The following CMTM1 variants were observed in gnomAD, a reference collection of about 807,000 sequenced individuals.
CMTM1 encodes the protein CKLF like MARVEL transmembrane domain containing 1.
A neutral mutation model predicts 17.8 loss-of-function variants in CMTM1; 16 were observed. The ratio of observed to expected loss-of-function variants is 0.90; its 90% CI spans 0.61 to 1.37. CMTM1 has a LOEUF of 1.37. Ranked by LOEUF, CMTM1 falls within the 40% of genes most tolerant of loss-of-function variation. The pLI is 0.00. For missense variants in CMTM1, 354 were observed against 375.6 expected (o/e 0.94, Z 0.47); for synonymous variants, 169 against 154.6 (o/e 1.09, Z -0.69).
At chr16:66,567,805 A>C (rs576515130) in intron 1 of CMTM1, among the ~76,000 whole-genome samples, 4 of 152,352 alleles carry the variant, frequency 2.6e-5, no homozygotes, top group African/African-American at 9.6e-5. Flanking sequence ...AACTGAAAGG[A>C]TCTACAGGAG....
chr16:66,567,114 C>G (rs1159143768), intron 1 of CMTM1, 169 bp downstream of exon 1: 2 of 716,838 alleles, frequency 2.8e-6, no homozygotes, highest in Admixed American at 4.4e-5. Flanking sequence ...ACACACTAAA[C>G]CTTTCCTACT....
At chr16:66,570,190 T>C (rs2013289374) in intron 2 of CMTM1, 96 bp downstream of exon 2, 2 of 988,312 alleles carry the variant, frequency 2.0e-6, no homozygotes, top group African/African-American at 3.3e-5. Context: ...GCTATCTCTC[T>C]AGACAAGGAC....
intron 2 of CMTM1, among the ~76,000 whole-genome samples, chr16:66,575,535 G>A (rs2014121613): frequency 6.6e-6 from 1 of 152,150 alleles, no homozygotes; most frequent in Admixed American, 6.5e-5. Flanking sequence ...TTCCAGACTG[G>A]GAGAATAGCT....
rs1276226788 is a variant in CMTM1, at chr16:66,579,070, C to T, written c.*69C>T. Reference sequence around the variant, plus strand: ...CTGCCTCCGAGCCCACCCCCGAGCTCGCATGCTGTCACCCATTCCAGCCTA... The same window carrying T: ...CTGCCTCCGAGCCCACCCCCGAGCTTGCATGCTGTCACCCATTCCAGCCTA... On this transcript the variant is annotated 3_prime_UTR_variant, in exon 4 of 4. Transcript: ENST00000379500. The surrounding 1 kb of genome is among the most constrained non-coding windows in gnomAD (Gnocchi z 6.5). The T allele has an allele frequency of 1.3e-6, 2 of 1,564,882 alleles. No individual in the cohort carries two copies. Among genetic ancestry groups the T allele is most frequent in the Non-Finnish European group, 1.7e-6 (2 of 1,155,886 alleles).
chr16:66,576,479 C>T (rs979197124), intron 2 of CMTM1, among the ~76,000 whole-genome samples: 2 of 151,892 alleles, frequency 1.3e-5, no homozygotes, highest in African/African-American at 4.8e-5. Flanking sequence ...TGTCGGGGCA[C>T]ACCCAATTCT....
intron 1 of CMTM1, among the ~76,000 whole-genome samples, chr16:66,569,007 T>C (rs1426627843): frequency 6.6e-6 from 1 of 152,200 alleles, no homozygotes; most frequent in Non-Finnish European, 1.5e-5. Flanking sequence ...TGACTCGTTA[T>C]TGTGTTAATA....
chr16:66,567,630 A>G (rs965687931), intron 1 of CMTM1, among the ~76,000 whole-genome samples: 3 of 152,236 alleles, frequency 2.0e-5, no homozygotes, highest in Non-Finnish European at 2.9e-5. Flanking sequence ...ATAGGAATTT[A>G]TAAGTTAGGA....
At position 66,566,770 on chromosome 16, in the gene CMTM1, C is replaced by G. The variant is rs199641934; in HGVS notation, c.257C>G (p.Pro86Arg). ...TCAAGGAAAGCCACCACACGCCCAC[C>G]CCCAAAGCCCACACTCCCACCCCCC... ...APSRKATTRP[P>R]PKPTLPPPTP... Residue 86 changes from proline (P) to arginine (R), a missense_variant, in exon 1 of 4, where the codon CCC becomes CGC. By Grantham distance (103) the Pro-to-Arg change is moderately radical. Coordinates refer to ENST00000379500, the MANE Select transcript of CMTM1 (RefSeq NM_052999.4). The surrounding 1 kb of genome is among the most constrained non-coding windows in gnomAD (Gnocchi z 4.9). 7 of 1,613,412 alleles carry G rather than the reference C, an allele frequency of 4.3e-6. No homozygotes were observed. The Admixed American group carries it at 1.2e-4, about 27-fold the overall frequency.
rs755915699 is a variant in CMTM1, at chr16:66,566,801, C to T, written c.288C>T (p.Pro96=). 20 of 1,613,478 alleles carry T rather than the reference C, an allele frequency of 1.2e-5. No individual in the cohort carries two copies. Among genetic ancestry groups the T allele is most frequent in the Admixed American group, 3.4e-5 (2 of 59,654 alleles). Residue 96 remains proline, a synonymous_variant, in exon 1 of 4, where the codon CCC becomes CCT. Coordinates refer to ENST00000379500, the MANE Select transcript of CMTM1 (RefSeq NM_052999.4). The surrounding 1 kb of genome is among the most constrained non-coding windows in gnomAD (Gnocchi z 4.9). The part of the protein sequence containing the change: ...PPKPTLPPPT[P]SAHTESKLLN... The stretch of plus-strand genomic sequence containing the variant: ...AGCCCACACTCCCACCCCCCACGCC[C>T]TCTGCACACACTGAATCCAAACTCT...
At chr16:66,576,389 ACT>A (rs746352605) in intron 2 of CMTM1, among the ~76,000 whole-genome samples, 2 of 151,184 alleles carry the variant, frequency 1.3e-5, no homozygotes, top group Admixed American at 6.6e-5. Flanking sequence ...CAAGAGCGAA[ACT>A]CTGTCTCAAA....
intron 2 of CMTM1, among the ~76,000 whole-genome samples, chr16:66,572,855 G>A (rs1229170303): frequency 6.6e-6 from 1 of 152,222 alleles, no homozygotes; most frequent in African/African-American, 2.4e-5. Context: ...TGAAAAAGGG[G>A]TGAGGGTAAA....
intron 1 of CMTM1, 78 bp downstream of exon 1, chr16:66,567,023 G>C (rs1402170076): frequency 1.4e-6 from 2 of 1,471,884 alleles, no homozygotes. Flanking sequence ...CGGGGTGCCA[G>C]CTCCAGAAAC....
Position 66,577,110 on chromosome 16 carries a change from AC to A in CMTM1, c.600del (p.Asn201ThrfsTer11). 1 of 1,612,288 alleles carries A rather than the reference AC, an allele frequency of 6.2e-7. No individual in the cohort carries two copies. The highest frequency in any genetic ancestry group is 8.5e-7 in the Non-Finnish European group (1 of 1,179,286). ...TYLHWPLLDL[T>X]NSIITAVFLS... ...TTTCAATTCTTTATTACAGGATCTT[AC>A]CAACAGTATCATTACAGCTGTGTTC... is the stretch of plus-strand genomic sequence containing the variant. On this transcript the variant is annotated frameshift_variant, in exon 3 of 4. Transcript: ENST00000379500. LOFTEE classifies it high-confidence loss of function.
chr16:66,574,529 G>C (rs1351160184), intron 2 of CMTM1, among the ~76,000 whole-genome samples: 1 of 152,226 alleles, frequency 6.6e-6, no homozygotes, highest in Non-Finnish European at 1.5e-5. Context: ...GGCACAGTAA[G>C]TGCTCAATAA....
intron 1 of CMTM1, 109 bp downstream of exon 1, chr16:66,567,054 ACTCACCTTTGTTTTGC>A: frequency 1.7e-6 from 2 of 1,195,896 alleles, no homozygotes; most frequent in Non-Finnish European, 2.4e-6. Context: ...TCACTTTGCC[ACTCACCTTTGTTTTGC>A]CTCACCTTTC....
At chr16:66,577,228 T>C (rs1186779517) in intron 3 of CMTM1, 26 bp downstream of exon 3, 2 of 1,577,630 alleles carry the variant, frequency 1.3e-6, no homozygotes, top group East Asian at 2.2e-5. Context: ...CATGACTCCA[T>C]TTAAGATCAG....
At position 66,570,577 on chromosome 16, in the gene CMTM1, CG is replaced by C. The variant is rs529395734; in HGVS notation, c.591+485del. Among the ~76,000 whole-genome samples, 63 of 152,230 alleles carry C rather than the reference CG, an allele frequency of 4.1e-4. No homozygotes were observed. In the East Asian group the frequency reaches 0.012, roughly 28 times the overall value. Reference sequence around the variant, plus strand: ...TAGGGTCCATATCACAAAGAGGTGCCGGACTATCCAGAAAAAGACATTACAG... The same window carrying C: ...TAGGGTCCATATCACAAAGAGGTGCCGACTATCCAGAAAAAGACATTACAG... On this transcript the variant is annotated intron_variant, in intron 2 of 3. Transcript: ENST00000379500.
Position 66,577,209 on chromosome 16 carries a change from A to G in CMTM1, c.690+7A>G. The G allele has an allele frequency of 6.2e-7, 1 of 1,608,538 alleles. No individual in the cohort carries two copies. Among genetic ancestry groups the G allele is most frequent in the Non-Finnish European group, 8.5e-7 (1 of 1,175,446 alleles). On this transcript the variant is annotated splice_region_variant and intron_variant, in intron 3 of 3. Transcript: ENST00000379500. Reference sequence around the variant, plus strand: ...TTTACTCTATGTCGGGGGGGTAAGTAGAGGCCTTCATGACTCCATTTAAGA... The same window carrying G: ...TTTACTCTATGTCGGGGGGGTAAGTGGAGGCCTTCATGACTCCATTTAAGA...
intron 1 of CMTM1, among the ~76,000 whole-genome samples, chr16:66,568,123 C>T (rs149629617): frequency 1.5e-3 from 222 of 152,302 alleles, no homozygotes; most frequent in African/African-American, 4.8e-3. Flanking sequence ...GATAGGAAAA[C>T]TTGACTGAGT....
Sources: gnomAD v4.1 joint callset for allele counts (sites outside exome capture counted in the v4.1 genomes callset) on GRCh38, gnomAD v4.1.1 for gene constraint, Gnocchi (gnomAD v3.1) non-coding constraint, MANE v1.5 for transcripts, NCBI Gene and HGNC (gene_info 2026-07-23, HGNC 2026-07-21) for gene names.